DNAH17: variants seen among roughly 807,000 people sequenced by gnomAD.
The protein encoded by DNAH17 is axonemal beta dynein heavy chain 17.
DNAH17 carries 376 observed loss-of-function variants against 485.6 expected under a neutral mutation model. The ratio of observed to expected loss-of-function variants is 0.77; its 90% CI spans 0.71 to 0.84. The LOEUF (loss-of-function observed/expected upper bound fraction) is 0.84, where lower values mean the gene tolerates loss of function less well. DNAH17 is among the 40% of genes least tolerant of loss of function. DNAH17 has a pLI of 0.00. For missense variants in DNAH17, 6,370 were observed against 5,839.3 expected (o/e 1.09, Z -2.96); for synonymous variants, 3,031 against 2,405.9 (o/e 1.26, Z -7.60).
chr17:78,451,049 G>A (rs2146493854), intron 66 of DNAH17, among the ~76,000 whole-genome samples: 1 of 152,356 alleles, frequency 6.6e-6, no homozygotes, highest in Non-Finnish European at 1.5e-5. Flanking sequence ...GAGGCTTCCT[G>A]TCACGGAGAC....
At chr17:78,537,151 C>T (rs1183838187) in intron 19 of DNAH17, 148 bp downstream of exon 19, 1 of 955,206 alleles carries the variant, frequency 1.0e-6, no homozygotes, top group Non-Finnish European at 1.5e-6. Flanking sequence ...GCACTCCAGC[C>T]TGGGCGACAG....
At chr17:78,461,853 G>A in intron 57 of DNAH17, 145 bp from the exon 58 acceptor site, 1 of 715,054 alleles carries the variant, frequency 1.4e-6, no homozygotes, top group Non-Finnish European at 2.2e-6. Flanking sequence ...GTTTTGGAGA[G>A]TCTTTTCAAT....
intron 33 of DNAH17, chr17:78,502,121 A>G (rs962521535): frequency 1.9e-6 from 1 of 526,264 alleles, no homozygotes; most frequent in African/African-American, 1.9e-5. Flanking sequence ...GAGAGGGTGG[A>G]TGAGAAGCAA....
Position 78,572,184 on chromosome 17 carries a change from GT to G in DNAH17, c.540-403del, listed in dbSNP as rs546105292. Among the ~76,000 whole-genome samples the G allele has an allele frequency of 5.9e-4, 90 of 152,298 alleles. 1 individual carries two copies. Among genetic ancestry groups the G allele is most frequent in the African/African-American group, 2.1e-3 (88 of 41,562 alleles). On this transcript the variant is annotated intron_variant, in intron 3 of 80. Transcript: ENST00000389840. The stretch of plus-strand genomic sequence containing the variant: ...AAATACGGAACTAATTGTCACGGGG[GT>G]CTCACATATCAGGGCGGTTGCAAAT...
chr17:78,488,518 C>T (rs979798084), intron 44 of DNAH17, among the ~76,000 whole-genome samples: 5 of 152,304 alleles, frequency 3.3e-5, no homozygotes, highest in Middle Eastern at 6.8e-3. Flanking sequence ...GAGGACTCCA[C>T]GATCCTGTCT....
chr17:78,450,156 G>C (rs1417030576), intron 68 of DNAH17, 98 bp downstream of exon 68: 9 of 1,442,874 alleles, frequency 6.2e-6, no homozygotes, highest in Non-Finnish European at 6.7e-6. Flanking sequence ...GGGTGGCCCT[G>C]GCACTGCCCG....
chr17:78,495,395 A>T (rs2090032810), intron 38 of DNAH17, among the ~76,000 whole-genome samples: 1 of 150,062 alleles, frequency 6.7e-6, no homozygotes, highest in Admixed American at 6.6e-5. Flanking sequence ...GGGAAGACAG[A>T]GTGCTTTCTA....
intron 13 of DNAH17, among the ~76,000 whole-genome samples, chr17:78,559,043 C>G (rs929854220): frequency 6.6e-6 from 1 of 152,168 alleles, no homozygotes; most frequent in Non-Finnish European, 1.5e-5. Context: ...TGATGGGGAG[C>G]CACAGACCTT....
chr17:78,449,293 C>G (rs529814034), intron 69 of DNAH17, 121 bp downstream of exon 69: 1 of 1,015,296 alleles, frequency 9.8e-7, no homozygotes, highest in Non-Finnish European at 1.4e-6. Flanking sequence ...TGCTAAAATG[C>G]GGGTTTGAAA....
At chr17:78,493,955 A>C in intron 41 of DNAH17, 81 bp downstream of exon 41, 1 of 1,499,058 alleles carries the variant, frequency 6.7e-7, no homozygotes, top group Non-Finnish European at 8.9e-7. Context: ...GGTGGCGGGG[A>C]GTGATGGAGG....
At chr17:78,474,023 T>A (rs2088896212) in intron 54 of DNAH17, among the ~76,000 whole-genome samples, 1 of 152,144 alleles carries the variant, frequency 6.6e-6, no homozygotes, top group South Asian at 2.1e-4. Flanking sequence ...TGGAGTAGAA[T>A]CTGCTGGGAA....
chr17:78,503,385 C>T (rs538308536), intron 31 of DNAH17, among the ~76,000 whole-genome samples: 102 of 146,492 alleles, frequency 7.0e-4, no homozygotes, highest in Non-Finnish European at 1.3e-3. Context: ...TGGGGTTTCA[C>T]CATGTTAGCC....
In DNAH17 at chr17:78,561,293, C is replaced by T. The variant is rs528733007; in HGVS notation, c.1836-358G>A. Among the ~76,000 whole-genome samples, 5 of 151,872 alleles carry T rather than the reference C, an allele frequency of 3.3e-5. 1 individual carries two copies. The highest frequency in any genetic ancestry group is 3.9e-4 in the East Asian group (2 of 5,150). On this transcript the variant is annotated intron_variant, in intron 12 of 80. Transcript: ENST00000389840. ...GCCCCCCAAACAACCACATAAAAGG[C>T]CCCCCTCCTAGTCAGCTGCACCGGC...
intron 48 of DNAH17, among the ~76,000 whole-genome samples, chr17:78,482,820 C>T (rs1365281009): frequency 6.6e-6 from 1 of 152,212 alleles, no homozygotes; most frequent in Non-Finnish European, 1.5e-5. Context: ...ACTCAAATCT[C>T]ACTCTGCCAC....
At chr17:78,550,172 C>T (rs189834603) in intron 16 of DNAH17, among the ~76,000 whole-genome samples, 15 of 152,334 alleles carry the variant, frequency 9.8e-5, no homozygotes, top group East Asian at 9.6e-4. Context: ...GGCGAGACAA[C>T]GCCATCAACA....
At chr17:78,460,355 CATGTATGCACGTGCATGAGTGT>C (rs1459972604) in intron 58 of DNAH17, 98 bp from the exon 59 acceptor site, 3 of 1,019,794 alleles carry the variant, frequency 2.9e-6, no homozygotes, top group Middle Eastern at 2.3e-4. Context: ...CATGTGTGTG[CATGTATGCACGTGCATGAGTGT>C]ATGTGTGCAT....
chr17:78,571,489 C>T, intron 4 of DNAH17, 101 bp downstream of exon 4: 3 of 1,498,122 alleles, frequency 2.0e-6, no homozygotes, highest in East Asian at 2.3e-5. Context: ...GTCATCAGAG[C>T]CCTCAGGACT....
At chr17:78,499,229 C>T in intron 36 of DNAH17, 117 bp from the exon 37 acceptor site, 1 of 716,256 alleles carries the variant, frequency 1.4e-6, no homozygotes. Context: ...CTTGCTCAGG[C>T]CCCGGTGCAT....
intron 16 of DNAH17, among the ~76,000 whole-genome samples, chr17:78,547,269 T>C (rs965497283): frequency 2.6e-5 from 4 of 152,194 alleles, no homozygotes; most frequent in African/African-American, 9.6e-5. Context: ...GGTATCCAAA[T>C]GGTATTTTTC....
Sources: gnomAD v4.1 joint callset for allele counts (sites outside exome capture counted in the v4.1 genomes callset) on GRCh38, gnomAD v4.1.1 for gene constraint, MANE v1.5 for transcripts, NCBI Gene and HGNC (gene_info 2026-07-23, HGNC 2026-07-21) for gene names.